The following ZMYM1 variants were observed in gnomAD, a reference collection of about 807,000 sequenced individuals.
ZMYM1 encodes zinc finger MYM-type containing 1, also known as zinc finger MYM-type protein 1.
A neutral mutation model predicts 60.0 loss-of-function variants in ZMYM1; 39 were observed. The observed-to-expected ratio is 0.65, with a 90% CI of 0.50 to 0.85. The LOEUF (loss-of-function observed/expected upper bound fraction) is 0.85, where lower values mean the gene tolerates loss of function less well. ZMYM1 is among the 40% of genes least tolerant of loss of function. The pLI is 0.00. For synonymous variants in ZMYM1, 413 were observed against 454.0 expected, an observed-to-expected ratio of 0.91 and a Z score of 1.15; for missense variants, 1,171 against 1,309.5, an observed-to-expected ratio of 0.89 and a Z score of 1.63.
rs531455278 is a variant in ZMYM1 at position 35,084,262 on chromosome 1, C to T, written c.-75+4820C>T. Among the ~76,000 whole-genome samples the T allele has an allele frequency of 7.6e-4, 116 of 152,072 alleles. 1 individual carries two copies. The South Asian group carries it at 0.024, about 31-fold the overall frequency. ...CTGTTTTCTCAAACATAACCAAGTC[C>T]TTGCCTGACAAGAACAATATCTGAG... On this transcript the variant is annotated intron_variant, in intron 1 of 9. Transcript: ENST00000359858.
Position 35,104,590 on chromosome 1 carries a change from C to G in ZMYM1, c.628C>G (p.His210Asp). 6.2e-7 allele frequency: 1 copy of G among 1,614,108 alleles called. No individual in the cohort carries two copies. Among genetic ancestry groups the G allele is most frequent in the Non-Finnish European group, 8.5e-7 (1 of 1,180,016 alleles). ...QYEVKYQNVK[H>D]NLCSNACLSK... is the part of the protein sequence containing the mutation. ...TGAAGTAAAATACCAAAATGTGAAA[C>G]ATAATCTTTGCAGTAATGCCTGCCT... The change falls in exon 6 of 10, where the codon CAT becomes GAT. Residue 210 changes from histidine (H) to aspartate (D), a missense_variant. Coordinates refer to ENST00000359858, the MANE Select transcript of ZMYM1 (RefSeq NM_024772.5).
At chr1:35,069,428 A>T (rs886167361) in intron 1 of ZMYM1, among the ~76,000 whole-genome samples, 6 of 152,120 alleles carry the variant, frequency 3.9e-5, no homozygotes, top group Non-Finnish European at 7.4e-5. Flanking sequence ...TCCATTTTAA[A>T]ATCAGATTAT....
At chr1:35,065,580 G>A (rs1489950670) in intron 1 of ZMYM1, among the ~76,000 whole-genome samples, 2 of 151,044 alleles carry the variant, frequency 1.3e-5, no homozygotes, top group African/African-American at 4.9e-5. Context: ...TATTTAAAGG[G>A]AAATTTATGG....
upstream of ZMYM1, among the ~76,000 whole-genome samples, chr1:35,076,921 G>T (rs922272166): frequency 1.4e-4 from 20 of 145,126 alleles, no homozygotes; most frequent in Non-Finnish European, 2.7e-4. Flanking sequence ...GGTGACAAGA[G>T]CAAAACTCTG....
chr1:35,111,181 T>C (rs1265054618), intron 7 of ZMYM1, among the ~76,000 whole-genome samples: 1 of 152,170 alleles, frequency 6.6e-6, no homozygotes, highest in Non-Finnish European at 1.5e-5. Context: ...ATAGAAGTGA[T>C]TGTAAATGCT....
intron 1 of ZMYM1, among the ~76,000 whole-genome samples, chr1:35,082,024 A>G (rs1279425221): frequency 1.3e-5 from 2 of 152,160 alleles, no homozygotes; most frequent in Non-Finnish European, 2.9e-5. Context: ...TGCTAAGCTT[A>G]ATAACTTGGA....
chr1:35,081,982 TG>T (rs753403952), intron 1 of ZMYM1, among the ~76,000 whole-genome samples: 1 of 152,152 alleles, frequency 6.6e-6, no homozygotes, highest in Non-Finnish European at 1.5e-5. Context: ...CGTGAGCCAC[TG>T]CACCTGGCCA....
Position 35,114,919 on chromosome 1 carries a change from A to T in ZMYM1, c.3089A>T (p.Tyr1030Phe). 1 of 1,612,464 alleles carries T rather than the reference A, an allele frequency of 6.2e-7. No individual in the cohort carries two copies. The highest frequency in any genetic ancestry group is 1.7e-5 in the Admixed American group (1 of 59,994). ...GACATTATCCCAGAACTTAGATTTTATCGACATTATGCAAAGCTTAACTTT... is the reference window on the plus strand; with the variant it reads ...GACATTATCCCAGAACTTAGATTTTTTCGACATTATGCAAAGCTTAACTTT... ...DEDIIPELRF[Y>F]RHYAKLNFVI... The change falls in exon 10 of 10, where the codon TAT (tyrosine) becomes TTT (phenylalanine). Residue 1030 changes from tyrosine to phenylalanine, a missense_variant. Transcript: ENST00000359858.
rs374317066 is a variant in ZMYM1 at position 35,114,388 on chromosome 1, T to C, written c.2558T>C (p.Val853Ala). 6.2e-7 allele frequency: 1 copy of C among 1,612,996 alleles called. No homozygotes were observed. The highest frequency in any genetic ancestry group is 1.3e-5 in the African/African-American group (1 of 74,916). ...GAATTGAGTCATTTGCTGACATTGG[T>C]TTCCAAATTTGAATTTGTCTTTTGT... ...ADELSHLLTL[V>A]SKFEFVFCLK... Residue 853 changes from valine (V) to alanine (A), a missense_variant, in exon 10 of 10, where the codon GTT becomes GCT. Coordinates refer to ENST00000359858, the MANE Select transcript of ZMYM1 (RefSeq NM_024772.5).
chr1:35,065,058 C>CA (rs113211347), intron 1 of ZMYM1, among the ~76,000 whole-genome samples: 2 of 151,934 alleles, frequency 1.3e-5, no homozygotes, highest in African/African-American at 4.8e-5. Context: ...TTTAATTGAA[C>CA]AAAAAAATAC....
At chr1:35,073,387 G>C (rs1447078377) in intron 1 of ZMYM1, among the ~76,000 whole-genome samples, 1 of 125,190 alleles carries the variant, frequency 8.0e-6, no homozygotes, top group Admixed American at 7.8e-5. Context: ...AGAAAGGAAA[G>C]AAAGGAAGAG....
At chr1:35,101,105 C>T (rs1049138227) in intron 4 of ZMYM1, among the ~76,000 whole-genome samples, 3 of 120,882 alleles carry the variant, frequency 2.5e-5, no homozygotes, top group African/African-American at 9.0e-5. Context: ...ACCCAGCCAA[C>T]ATTCTTTTTT....
rs1424521832 is a variant in ZMYM1 at position 35,097,443 on chromosome 1, G to A, written c.296G>A (p.Gly99Glu). ...GGTTGTAAAAAAATTCTCCAGAAGG[G>A]GCAAACTGCTTATCAGAGGAAAGGA... ...CAGCKKILQK[G>E]QTAYQRKGSA... The change falls in exon 4 of 10, where the codon GGG (glycine) becomes GAG (glutamate). Residue 99 changes from glycine to glutamate, a missense_variant. Coordinates refer to ENST00000359858, the MANE Select transcript of ZMYM1 (RefSeq NM_024772.5). 2 of 1,614,036 alleles carry A rather than the reference G, an allele frequency of 1.2e-6. No individual in the cohort carries two copies. The highest frequency in any genetic ancestry group is 1.7e-6 in the Non-Finnish European group (2 of 1,179,996).
Position 35,114,073 on chromosome 1 carries a change from A to C in ZMYM1, c.2243A>C (p.His748Pro). The change falls in exon 10 of 10, where the codon CAC becomes CCC. Residue 748 changes from histidine (H) to proline (P), a missense_variant. Coordinates refer to ENST00000359858, the MANE Select transcript of ZMYM1 (RefSeq NM_024772.5). ...PRALYIHCYA[H>P]FLDLSIIRFC... ...GCTTTATACATACATTGTTATGCAC[A>C]CTTTTTGGATTTATCAATAATTAGG... 1 of 1,611,848 alleles carries C rather than the reference A, an allele frequency of 6.2e-7. No individual in the cohort carries two copies. The highest frequency in any genetic ancestry group is 8.5e-7 in the Non-Finnish European group (1 of 1,179,404).
chr1:35,087,696 G>T (rs1270769323), intron 1 of ZMYM1, among the ~76,000 whole-genome samples: 1 of 152,110 alleles, frequency 6.6e-6, no homozygotes, highest in African/African-American at 2.4e-5. Context: ...CCAAAGTTCT[G>T]GGATTACAGG....
Position 35,061,108 on chromosome 1 carries a change from C to A in ZMYM1, c.-301+1183C>A, listed in dbSNP as rs574979038. The stretch of plus-strand genomic sequence containing the variant: ...CAGCACCCCCAAAAGCCAGGACACA[C>A]CTTGGATTCTATGGTCACATCAGCC... On this transcript the variant is annotated intron_variant, in intron 1 of 10. Coordinates refer to the ZMYM1 transcript ENST00000417119. Among the ~76,000 whole-genome samples the A allele has an allele frequency of 1.2e-3, 188 of 152,336 alleles. 1 individual carries two copies. Among genetic ancestry groups the A allele is most frequent in the African/African-American group, 4.3e-3 (180 of 41,578 alleles).
chr1:35,106,300 TA>T (rs1387230746), intron 6 of ZMYM1, among the ~76,000 whole-genome samples: 1 of 152,036 alleles, frequency 6.6e-6, no homozygotes, highest in Non-Finnish European at 1.5e-5. Context: ...TCTATCCCTA[TA>T]CAGACTTCCT....
chr1:35,118,518 G>A (rs1638551645), downstream of ZMYM1, among the ~76,000 whole-genome samples: 4 of 152,158 alleles, frequency 2.6e-5, no homozygotes, highest in South Asian at 8.3e-4. Flanking sequence ...GAGGTCAGGA[G>A]ATCGAGACCA....
At chr1:35,106,268 A>G (rs1306574010) in intron 6 of ZMYM1, among the ~76,000 whole-genome samples, 2 of 152,082 alleles carry the variant, frequency 1.3e-5, no homozygotes, top group East Asian at 1.9e-4. Flanking sequence ...TTGCTTGTTC[A>G]TATCATATTT....
Sources: gnomAD v4.1 joint callset for allele counts (sites outside exome capture counted in the v4.1 genomes callset) on GRCh38, gnomAD v4.1.1 for gene constraint, MANE v1.5 for transcripts, NCBI Gene and HGNC (gene_info 2026-07-23, HGNC 2026-07-21) for gene names.